The following TRHDE variants were observed in gnomAD, a reference collection of about 807,000 sequenced individuals.
The protein encoded by TRHDE is thyrotropin-releasing hormone-degrading ectoenzyme.
In TRHDE, 72 loss-of-function variants were observed where a neutral mutation model predicts 125.7. That is an observed-to-expected ratio of 0.57 (90% confidence interval 0.47 to 0.70). The LOEUF is 0.70. Ranked by LOEUF, TRHDE falls within the 30% of genes least tolerant of loss-of-function variation. The pLI is 0.00. For synonymous variants in TRHDE, 509 were observed against 509.1 expected (o/e 1.00, Z 0.00); for missense variants, 1,110 against 1,327.1 (o/e 0.84, Z 2.54).
chr12:72,398,378 T>G (rs1308122603), intron 3 of TRHDE, among the ~76,000 whole-genome samples: 1 of 152,214 alleles, frequency 6.6e-6, no homozygotes, highest in Non-Finnish European at 1.5e-5. Flanking sequence ...CAAATGGTAT[T>G]TCTAGTTCTA....
At chr12:72,504,579 G>A (rs1353519348) in intron 6 of TRHDE, among the ~76,000 whole-genome samples, 4 of 152,164 alleles carry the variant, frequency 2.6e-5, no homozygotes, top group African/African-American at 9.7e-5. Context: ...TGGGATTACA[G>A]GCGTGAGCCA....
chr12:72,606,908 A>C (rs941551398), intron 12 of TRHDE, among the ~76,000 whole-genome samples: 1 of 152,082 alleles, frequency 6.6e-6, no homozygotes, highest in Non-Finnish European at 1.5e-5. Context: ...CTCTAATAAT[A>C]ATTATTATTA....
chr12:72,277,605 A>G (rs894068961), intron 1 of TRHDE, among the ~76,000 whole-genome samples: 5 of 152,216 alleles, frequency 3.3e-5, no homozygotes, highest in East Asian at 1.9e-4. Flanking sequence ...ACATAACCAT[A>G]TGGCAAAACT....
intron 2 of TRHDE, chr12:72,303,346 G>A (rs966857628): frequency 2.0e-5 from 3 of 152,050 alleles, no homozygotes; most frequent in African/African-American, 7.2e-5. Context: ...GGGATTGTTT[G>A]GAGGCTTTAG....
At chr12:72,230,151 TA>T (rs981802210) in intron 2 of TRHDE, among the ~76,000 whole-genome samples, 1 of 151,904 alleles carries the variant, frequency 6.6e-6, no homozygotes, top group Admixed American at 6.6e-5. Context: ...TAAAGAGCTG[TA>T]AAAAAAACTT....
intron 3 of TRHDE, among the ~76,000 whole-genome samples, chr12:72,448,643 A>G (rs1238719353): frequency 1.3e-5 from 2 of 151,986 alleles, no homozygotes; most frequent in African/African-American, 4.8e-5. Flanking sequence ...GAATTGTGAC[A>G]TTAAGAATTA....
chr12:72,277,965 C>T (rs1592514518), intron 1 of TRHDE, among the ~76,000 whole-genome samples: 1 of 152,226 alleles, frequency 6.6e-6, no homozygotes, highest in East Asian at 1.9e-4. Flanking sequence ...AACATCTACT[C>T]TCAGCAGTTT....
chr12:72,397,088 C>T (rs1872824409), intron 3 of TRHDE, among the ~76,000 whole-genome samples: 1 of 152,204 alleles, frequency 6.6e-6, no homozygotes, highest in Non-Finnish European at 1.5e-5. Flanking sequence ...ACACAGAACT[C>T]TTCTTTCACC....
At chr12:72,612,780 AC>A (rs1346552967) in intron 12 of TRHDE, among the ~76,000 whole-genome samples, 9 of 152,142 alleles carry the variant, frequency 5.9e-5, no homozygotes, top group African/African-American at 2.2e-4. Flanking sequence ...GGGCCATAAA[AC>A]TAAGGTTTTT....
intron 2 of TRHDE, among the ~76,000 whole-genome samples, chr12:72,120,864 G>C (rs1875564192): frequency 6.6e-6 from 1 of 151,708 alleles, no homozygotes; most frequent in Non-Finnish European, 1.5e-5. Context: ...TATTTTAGTA[G>C]AGACGGGGTT....
chr12:72,428,132 C>T (rs1874268996), intron 3 of TRHDE, among the ~76,000 whole-genome samples: 1 of 152,044 alleles, frequency 6.6e-6, no homozygotes, highest in Non-Finnish European at 1.5e-5. Context: ...TGTAATTTTG[C>T]AAAGATTGAA....
intron 3 of TRHDE, among the ~76,000 whole-genome samples, chr12:72,385,420 C>T (rs1158294050): frequency 6.6e-6 from 1 of 151,980 alleles, no homozygotes; most frequent in African/African-American, 2.4e-5. Flanking sequence ...CTAACCTTTT[C>T]CGCCATCTTT....
chr12:72,460,763 C>T lies in TRHDE; in HGVS notation c.1316-8995C>T, dbSNP rs189848033. On this transcript the variant is annotated intron_variant, in intron 3 of 18. Coordinates refer to ENST00000261180, the MANE Select transcript of TRHDE (RefSeq NM_013381.3). ...TCATACCTAGTCATGTTTCTTAAAG[C>T]AAAGACTGATTTTGTAAGTACTAGA... Among the ~76,000 whole-genome samples the T allele has an allele frequency of 9.6e-4, 146 of 152,086 alleles. 1 individual carries two copies. The highest frequency in any genetic ancestry group is 4.4e-3 in the Admixed American group (67 of 15,272).
chr12:72,231,557 T>C (rs1420278120), intron 2 of TRHDE, among the ~76,000 whole-genome samples: 2 of 152,202 alleles, frequency 1.3e-5, no homozygotes, highest in East Asian at 3.8e-4. Context: ...CAGGTGTTTT[T>C]CTTAGAGCCC....
intron 2 of TRHDE, among the ~76,000 whole-genome samples, chr12:72,220,133 G>T (rs988377007): frequency 1.4e-4 from 21 of 152,132 alleles, no homozygotes; most frequent in African/African-American, 5.1e-4. Flanking sequence ...GGAGGGGAGA[G>T]TATGAAATGG....
chr12:72,590,193 T>G (rs1871614896), intron 12 of TRHDE, among the ~76,000 whole-genome samples: 1 of 152,074 alleles, frequency 6.6e-6, no homozygotes, highest in South Asian at 2.1e-4. Flanking sequence ...TTATTTGTTA[T>G]TTTTAAAACA....
intron 2 of TRHDE, among the ~76,000 whole-genome samples, chr12:72,110,137 G>A (rs1254178343): frequency 1.3e-5 from 2 of 152,066 alleles, no homozygotes; most frequent in African/African-American, 4.8e-5. Context: ...TTAAGATGAG[G>A]TTAACAAAAT....
chr12:72,620,529 A>G (rs1873010139), intron 13 of TRHDE, among the ~76,000 whole-genome samples: 1 of 151,988 alleles, frequency 6.6e-6, no homozygotes, highest in South Asian at 2.1e-4. Flanking sequence ...TGTCTAAAAA[A>G]ACAAAAAATA....
chr12:72,550,377 A>G, intron 7 of TRHDE, among the ~76,000 whole-genome samples: 1 of 152,018 alleles, frequency 6.6e-6, no homozygotes, highest in East Asian at 1.9e-4. Context: ...ATTTTTCTGT[A>G]ACCTACTTAG....
Sources: gnomAD v4.1 joint callset for allele counts (sites outside exome capture counted in the v4.1 genomes callset) on GRCh38, gnomAD v4.1.1 for gene constraint, MANE v1.5 for transcripts, NCBI Gene and HGNC (gene_info 2026-07-23, HGNC 2026-07-21) for gene names.